The following ARID1B variants were observed in gnomAD, a reference collection of about 807,000 sequenced individuals.
The protein encoded by ARID1B is AT-rich interaction domain 1B, also known as AT-rich interactive domain-containing protein 1B.
In ARID1B, 30 loss-of-function variants were observed where a neutral mutation model predicts 212.3. That is an observed-to-expected ratio of 0.14 (90% CI 0.11 to 0.19). The LOEUF (loss-of-function observed/expected upper bound fraction) is 0.19, where lower values mean the gene tolerates loss of function less well. Ranked by LOEUF, ARID1B falls within the 10% of genes least tolerant of loss-of-function variation. The pLI is 1.00. For synonymous variants in ARID1B, 1,402 were observed against 1,301.7 expected, an observed-to-expected ratio of 1.08 and a Z score of -1.66; for missense variants, 2,891 against 3,204.0, an observed-to-expected ratio of 0.90 and a Z score of 2.36.
rs1348058133 is a variant in ARID1B, at chr6:157,184,403, A to T, written c.3887A>T (p.Lys1296Ile). The change falls in exon 13 of 20, where the codon AAA (lysine) becomes ATA (isoleucine). Residue 1296 changes from lysine to isoleucine, a missense_variant. Lys to Ile is a moderately radical substitution (Grantham distance 102). Coordinates refer to ENST00000636930, the MANE Select transcript of ARID1B (RefSeq NM_001374828.1). ...GAAGTCTTCAGCACCGGGGACACCA[A>T]AAAGCAGCCCAAGCTCCAGCCGCCA... Reference protein sequence around the residue: ...PPEVFSTGDTKKQPKLQPPSP... With the variant: ...PPEVFSTGDTIKQPKLQPPSP... The T allele has an allele frequency of 6.2e-7, 1 of 1,613,990 alleles. No homozygotes were observed. The highest frequency in any genetic ancestry group is 1.3e-5 in the African/African-American group (1 of 74,916).
At chr6:157,194,378 T>C (rs1193446654) in intron 15 of ARID1B, 1 of 152,188 alleles carries the variant, frequency 6.6e-6, no homozygotes, top group Non-Finnish European at 1.5e-5. Context: ...ATGCTGGCAT[T>C]GGCCCCTCTC....
chr6:157,061,327 G>A (rs1056716618), intron 4 of ARID1B, among the ~76,000 whole-genome samples: 4 of 152,310 alleles, frequency 2.6e-5, no homozygotes, highest in Middle Eastern at 3.4e-3. Flanking sequence ...TCAAAGCGGT[G>A]AAGATAGAGT....
chr6:156,822,991 A>G (rs934006137), intron 1 of ARID1B, among the ~76,000 whole-genome samples: 1 of 152,244 alleles, frequency 6.6e-6, no homozygotes, highest in African/African-American at 2.4e-5. Flanking sequence ...ATCACAGAAA[A>G]GTAAACACAG....
At chr6:157,186,618 C>G (rs775921365) in intron 13 of ARID1B, 1 of 449,768 alleles carries the variant, frequency 2.2e-6, no homozygotes, top group South Asian at 1.6e-5. Context: ...TTATTCCCAA[C>G]TATTGGCCAT....
In ARID1B at chr6:157,094,443, C is replaced by G. The variant is rs1214294139; in HGVS notation, c.2491+9538C>G. On this transcript the variant is annotated intron_variant, in intron 5 of 19. Transcript: ENST00000636930. The surrounding 1 kb of genome is among the most constrained non-coding windows in gnomAD (Gnocchi z 4.3). ...GATCTCCACTCACTACAACCTCTAC[C>G]TCCCAGGTTCAAGCAATTCTCCTAC... Among the ~76,000 whole-genome samples, 5 of 152,172 alleles carry G rather than the reference C, an allele frequency of 3.3e-5. No homozygotes were observed. The highest frequency in any genetic ancestry group is 9.7e-5 in the African/African-American group (4 of 41,426).
chr6:157,153,554 C>G (rs977860091), intron 8 of ARID1B, among the ~76,000 whole-genome samples: 1 of 152,200 alleles, frequency 6.6e-6, no homozygotes, highest in Non-Finnish European at 1.5e-5. Context: ...GATCAGTTCT[C>G]GTGGCTCTCT....
At chr6:156,896,922 G>A (rs909783675) in intron 2 of ARID1B, among the ~76,000 whole-genome samples, 1 of 152,232 alleles carries the variant, frequency 6.6e-6, no homozygotes, top group Non-Finnish European at 1.5e-5. Context: ...AAGGGGGAGA[G>A]GGTAACCTTT....
rs376495346 is a variant in ARID1B, at chr6:157,206,398, G to A, written c.5626G>A (p.Glu1876Lys). 2.7e-5 allele frequency: 43 copies of A among 1,614,026 alleles called. No individual in the cohort carries two copies. Among genetic ancestry groups the A allele is most frequent in the Admixed American group, 2.2e-4 (13 of 60,006 alleles). ...EDEEDEEEDS[E>K]KTESDEKSSI... ...CGAGGAGGATGAGGAGGAAGACAGC[G>A]AGAAGACAGAAAGCGATGAAAAGAG... The change falls in exon 20 of 20, where the codon GAG becomes AAG. Residue 1876 changes from glutamate (E) to lysine (K), a missense_variant. Coordinates refer to ENST00000636930, the MANE Select transcript of ARID1B (RefSeq NM_001374828.1). The surrounding 1 kb of genome is among the most constrained non-coding windows in gnomAD (Gnocchi z 6.8).
At chr6:157,004,973 C>T (rs1460350758) in intron 4 of ARID1B, among the ~76,000 whole-genome samples, 3 of 121,272 alleles carry the variant, frequency 2.5e-5, no homozygotes, top group Non-Finnish European at 4.8e-5. Context: ...AGTACAGTGG[C>T]GTAATCCCGA....
intron 4 of ARID1B, among the ~76,000 whole-genome samples, chr6:157,012,258 CATGAT>C (rs559423440): frequency 1.6e-4 from 24 of 152,132 alleles, no homozygotes; most frequent in Non-Finnish European, 2.9e-4. Context: ...GCCAAACAAA[CATGAT>C]ATAACGTAAT....
At chr6:156,808,632 T>G (rs1458311701) in intron 1 of ARID1B, among the ~76,000 whole-genome samples, 1 of 152,230 alleles carries the variant, frequency 6.6e-6, no homozygotes, top group Non-Finnish European at 1.5e-5. Flanking sequence ...TGAATATATA[T>G]AAGTGTACTA....
intron 5 of ARID1B, among the ~76,000 whole-genome samples, chr6:157,085,660 G>A (rs1784918043): frequency 6.6e-6 from 1 of 151,522 alleles, no homozygotes; most frequent in African/African-American, 2.4e-5. Context: ...CCAAAATCAT[G>A]GGCGTTAGTT....
intron 3 of ARID1B, among the ~76,000 whole-genome samples, chr6:156,920,265 A>G (rs1790678103): frequency 6.6e-6 from 1 of 152,240 alleles, no homozygotes; most frequent in African/African-American, 2.4e-5. Flanking sequence ...TTGAGGGATG[A>G]AGTTGGGAAG....
chr6:157,164,510 G>A lies in ARID1B; in HGVS notation c.3090-2530G>A, dbSNP rs1276976388. 46 of 152,114 alleles carry A rather than the reference G, an allele frequency of 3.0e-4. 1 individual carries two copies. Among genetic ancestry groups the A allele is most frequent in the Non-Finnish European group, 4.4e-5 (3 of 68,014 alleles). The allele number at this position is 152,114 out of a possible 1,614,324, so 9.4% of individuals were successfully genotyped here. A position where few individuals can be genotyped will look rare whatever the true frequency, so the allele number is the denominator to read the frequency against. On this transcript the variant is annotated intron_variant, in intron 8 of 19. Transcript: ENST00000636930. ...GGAACCATTAGTTTCATACATGTTAGTTACACTATATATGAGACGGAATTT... is the reference window on the plus strand; with the variant it reads ...GGAACCATTAGTTTCATACATGTTAATTACACTATATATGAGACGGAATTT...
intron 2 of ARID1B, among the ~76,000 whole-genome samples, chr6:156,867,571 C>T (rs917820502): frequency 6.6e-6 from 1 of 151,862 alleles, no homozygotes; most frequent in Non-Finnish European, 1.5e-5. Context: ...AGGAATACCA[C>T]CTGATTAATT....
At chr6:157,029,074 C>T (rs1268871000) in intron 4 of ARID1B, among the ~76,000 whole-genome samples, 1 of 152,162 alleles carries the variant, frequency 6.6e-6, no homozygotes, top group Non-Finnish European at 1.5e-5. Context: ...CATACATACT[C>T]ATTTTATTGC....
intron 3 of ARID1B, among the ~76,000 whole-genome samples, chr6:156,911,991 TAC>T (rs1464084755): frequency 6.6e-6 from 1 of 152,250 alleles, no homozygotes; most frequent in East Asian, 1.9e-4. Flanking sequence ...GTAAATAAAA[TAC>T]AAATACATAG....
At chr6:157,198,721 G>A (rs986576031) in intron 16 of ARID1B, 90 bp from the exon 17 acceptor site, 1 of 1,115,876 alleles carries the variant, frequency 9.0e-7, no homozygotes, top group Non-Finnish European at 1.3e-6. Context: ...AGCTGCTTGA[G>A]GGAGTCAGGG....
intron 11 of ARID1B, among the ~76,000 whole-genome samples, chr6:157,179,334 C>G (rs896734470): frequency 2.0e-5 from 3 of 152,070 alleles, no homozygotes; most frequent in Non-Finnish European, 4.4e-5. Context: ...GGATGAGAGT[C>G]TTGTGTAAAG....
Sources: allele counts gnomAD v4.1 joint callset (sites outside exome capture counted in the v4.1 genomes callset), GRCh38; gene constraint gnomAD v4.1.1; non-coding constraint Gnocchi (gnomAD v3.1); transcripts MANE v1.5; gene names NCBI Gene and HGNC (gene_info 2026-07-23, HGNC 2026-07-21).